Variants in PALM2AKAP2 observed in about 807,000 individuals in gnomAD.
PALM2AKAP2 encodes the protein PALM2-AKAP2 fusion protein.
In PALM2AKAP2, 37 loss-of-function variants were observed where a neutral mutation model predicts 71.5. That is an observed-to-expected ratio of 0.52 (90% CI 0.40 to 0.68). The LOEUF is 0.68. Among genes scored for constraint, PALM2AKAP2 ranks in the 30% least tolerant of loss-of-function variants. PALM2AKAP2 has a pLI of 0.00. For synonymous variants in PALM2AKAP2, 468 were observed against 478.8 expected (o/e 0.98, Z 0.29); for missense variants, 1,224 against 1,191.8 (o/e 1.03, Z -0.40).
At chr9:109,919,038 C>T (rs780189118) in intron 3 of PALM2AKAP2, among the ~76,000 whole-genome samples, 2 of 152,184 alleles carry the variant, frequency 1.3e-5, no homozygotes, top group African/African-American at 4.8e-5. Flanking sequence ...GGCATCAGGT[C>T]GCAGAGAATT....
chr9:109,815,976 C>T (rs1295111218), intron 1 of PALM2AKAP2, among the ~76,000 whole-genome samples: 1 of 152,080 alleles, frequency 6.6e-6, no homozygotes, highest in Non-Finnish European at 1.5e-5. Flanking sequence ...ATTCAAGGTA[C>T]TGGTTATTAG....
chr9:109,782,744 TTGTGTGTGTG>T (rs71492863), intron 1 of PALM2AKAP2, among the ~76,000 whole-genome samples: 11 of 144,304 alleles, frequency 7.6e-5, no homozygotes, highest in African/African-American at 1.3e-4. Flanking sequence ...GTGTGTTTGT[TTGTGTGTGTG>T]TGTGTGTGTG....
At chr9:109,753,748 A>G (rs1828919083) in intron 1 of PALM2AKAP2, among the ~76,000 whole-genome samples, 1 of 152,218 alleles carries the variant, frequency 6.6e-6, no homozygotes. Context: ...TTACTAAATT[A>G]TAAAAAGGAT....
chr9:109,809,781 G>A (rs1827678906), intron 1 of PALM2AKAP2, among the ~76,000 whole-genome samples: 1 of 152,216 alleles, frequency 6.6e-6, no homozygotes, highest in African/African-American at 2.4e-5. Flanking sequence ...GTGGGATCAT[G>A]TGGGAGATGA....
chr9:110,157,590 A>G (rs1023644692), intron 3 of PALM2AKAP2, among the ~76,000 whole-genome samples: 11 of 152,056 alleles, frequency 7.2e-5, no homozygotes, highest in African/African-American at 2.7e-4. Flanking sequence ...TGTAGAAAGG[A>G]GGTCTCATTA....
At chr9:110,006,318 TTCCTTC>T (rs1285852050) in intron 6 of PALM2AKAP2, among the ~76,000 whole-genome samples, 2 of 92,198 alleles carry the variant, frequency 2.2e-5, no homozygotes, top group African/African-American at 8.6e-5. Context: ...CTTTCCTTCC[TTCCTTC>T]TCTTTCTTTC....
chr9:109,794,333 C>A (rs573906314), intron 1 of PALM2AKAP2, among the ~76,000 whole-genome samples: 2 of 150,998 alleles, frequency 1.3e-5, no homozygotes, highest in Admixed American at 6.6e-5. Flanking sequence ...TAAGTCCATA[C>A]AATTAAAAAC....
intron 1 of PALM2AKAP2, among the ~76,000 whole-genome samples, chr9:109,785,835 G>A (rs988253049): frequency 6.6e-6 from 1 of 152,180 alleles, no homozygotes; most frequent in Non-Finnish European, 1.5e-5. Flanking sequence ...GCCTTGGAAG[G>A]GTGCTTTGAT....
chr9:109,892,472 G>C (rs1292996158), intron 3 of PALM2AKAP2, among the ~76,000 whole-genome samples: 1 of 152,084 alleles, frequency 6.6e-6, no homozygotes, highest in Non-Finnish European at 1.5e-5. Flanking sequence ...TTAGGGTGTG[G>C]ACATATCTTT....
chr9:109,669,267 C>CG (rs756205859), intron 1 of PALM2AKAP2, among the ~76,000 whole-genome samples: 2 of 149,912 alleles, frequency 1.3e-5, no homozygotes, highest in Non-Finnish European at 3.0e-5. Flanking sequence ...TTTGTTTTTC[C>CG]TTTTTTTTTC....
intron 1 of PALM2AKAP2, among the ~76,000 whole-genome samples, chr9:109,715,662 A>T (rs555851802): frequency 2.6e-5 from 4 of 151,968 alleles, no homozygotes; most frequent in Non-Finnish European, 5.9e-5. Context: ...TGTTCCTTTC[A>T]GTTTGGTTAA....
In PALM2AKAP2 at chr9:109,983,264, G is replaced by T. The variant is rs116097248; in HGVS notation, c.497-32690G>T. 9.3e-3 allele frequency among the ~76,000 whole-genome samples: 1,409 copies of T among 152,254 alleles called. 24 individuals are homozygous for T. The highest frequency in any genetic ancestry group is 0.032 in the African/African-American group (1,325 of 41,550). On this transcript the variant is annotated intron_variant, in intron 6 of 9. Transcript: ENST00000302798. ...GCCATAGATGCGAATACCTGATTCTGGTTAAAGAGTTGGTTTTTGCTGATT... is the reference window on the plus strand; with the variant it reads ...GCCATAGATGCGAATACCTGATTCTTGTTAAAGAGTTGGTTTTTGCTGATT...
chr9:109,884,535 A>G (rs1284469929), intron 3 of PALM2AKAP2, among the ~76,000 whole-genome samples: 1 of 152,172 alleles, frequency 6.6e-6, no homozygotes, highest in Non-Finnish European at 1.5e-5. Flanking sequence ...GAAGAGAGTA[A>G]GAGAGAATAT....
chr9:110,154,705 C>T (rs1054977991), intron 2 of PALM2AKAP2, among the ~76,000 whole-genome samples: 3 of 152,120 alleles, frequency 2.0e-5, no homozygotes, highest in Non-Finnish European at 4.4e-5. Flanking sequence ...ATCAAAGCAA[C>T]AAATTTCACT....
intron 3 of PALM2AKAP2, among the ~76,000 whole-genome samples, chr9:109,910,484 A>C (rs1053601634): frequency 1.3e-5 from 2 of 152,244 alleles, no homozygotes; most frequent in Non-Finnish European, 2.9e-5. Flanking sequence ...TAAGAACAAT[A>C]AAACAAATAA....
intron 1 of PALM2AKAP2, among the ~76,000 whole-genome samples, chr9:110,115,813 A>T (rs1006677833): frequency 2.0e-5 from 3 of 152,208 alleles, no homozygotes; most frequent in Admixed American, 6.5e-5. Flanking sequence ...GTTTCCCTGC[A>T]ATCAATAGGT....
upstream of PALM2AKAP2, among the ~76,000 whole-genome samples, chr9:110,044,353 T>TTC (rs1554742422): frequency 1.5e-5 from 2 of 133,064 alleles, no homozygotes; most frequent in African/African-American, 5.8e-5. Context: ...TCTTTTTTTT[T>TTC]TTTTTTTTTT....
At chr9:109,866,272 C>G (rs185710233) in intron 1 of PALM2AKAP2, among the ~76,000 whole-genome samples, 1 of 152,224 alleles carries the variant, frequency 6.6e-6, no homozygotes, top group East Asian at 1.9e-4. Context: ...GCCAGGCTTC[C>G]GCATTGTTGT....
intron 6 of PALM2AKAP2, among the ~76,000 whole-genome samples, chr9:109,942,497 T>G (rs1564223779): frequency 6.6e-6 from 1 of 152,220 alleles, no homozygotes; most frequent in East Asian, 1.9e-4. Flanking sequence ...CCAAGTGCAT[T>G]AAACTGCTGT....
Sources: allele counts gnomAD v4.1 joint callset (sites outside exome capture counted in the v4.1 genomes callset), GRCh38; gene constraint gnomAD v4.1.1; transcripts MANE v1.5; gene names NCBI Gene and HGNC (gene_info 2026-07-23, HGNC 2026-07-21).